The following YWHAE variants were observed in gnomAD, a reference collection of about 807,000 sequenced individuals.
YWHAE encodes tyrosine 3-monooxygenase/tryptophan 5-monooxygenase activation protein epsilon, also known as 14-3-3 protein epsilon.
In YWHAE, 4 loss-of-function variants were observed where a neutral mutation model predicts 30.1. That is an observed-to-expected ratio of 0.13 (90% CI 0.07 to 0.30). YWHAE has a LOEUF of 0.30. YWHAE is among the 10% of genes least tolerant of loss of function. YWHAE has a pLI of 1.00. For synonymous variants in YWHAE, 118 were observed against 111.8 expected (o/e 1.06, Z -0.35); for missense variants, 121 against 315.9 (o/e 0.38, Z 4.68).
chr17:1,365,473 A>C (rs2150853907), intron 1 of YWHAE, among the ~76,000 whole-genome samples: 1 of 152,300 alleles, frequency 6.6e-6, no homozygotes, highest in Admixed American at 6.5e-5. Flanking sequence ...ATACAAAAGG[A>C]AGGGGAATTT....
intron 5 of YWHAE, among the ~76,000 whole-genome samples, chr17:1,348,591 T>C (rs868820264): frequency 2.0e-4 from 30 of 152,206 alleles, no homozygotes; most frequent in African/African-American, 6.8e-4. Flanking sequence ...GTCACAAAAG[T>C]AGTATTTTAT....
intron 1 of YWHAE, among the ~76,000 whole-genome samples, chr17:1,395,347 G>C (rs899209768): frequency 6.6e-6 from 1 of 152,038 alleles, no homozygotes; most frequent in African/African-American, 2.4e-5. Context: ...GGCCAACATG[G>C]TGAAACCTCG....
chr17:1,357,946 A>C (rs1033971830), intron 4 of YWHAE, among the ~76,000 whole-genome samples: 1 of 152,088 alleles, frequency 6.6e-6, no homozygotes, highest in Non-Finnish European at 1.5e-5. Context: ...AAAAAAAAGA[A>C]AAAGACAATA....
In YWHAE at chr17:1,368,718, C is replaced by T. The variant is rs192549145; in HGVS notation, c.65-3660G>A. ...ATTTAGAAGCAGTGGAATAGGTAATCGTACCTCCATACTAGTTTAATTCTC... is the reference window on the plus strand; with the variant it reads ...ATTTAGAAGCAGTGGAATAGGTAATTGTACCTCCATACTAGTTTAATTCTC... On this transcript the variant is annotated intron_variant, in intron 1 of 5. Coordinates refer to ENST00000264335, the MANE Select transcript of YWHAE (RefSeq NM_006761.5). Among the ~76,000 whole-genome samples the T allele has an allele frequency of 1.7e-3, 258 of 152,252 alleles. 1 individual carries two copies. Among genetic ancestry groups the T allele is most frequent in the African/African-American group, 5.9e-3 (244 of 41,560 alleles).
At chr17:1,366,531 T>A (rs1746541862) in intron 1 of YWHAE, among the ~76,000 whole-genome samples, 1 of 151,944 alleles carries the variant, frequency 6.6e-6, no homozygotes, top group Admixed American at 6.6e-5. Context: ...AGACTCCATC[T>A]CAAAAAAAAC....
At chr17:1,395,093 G>GA (rs559792867) in intron 1 of YWHAE, among the ~76,000 whole-genome samples, 1,997 of 145,068 alleles carry the variant, frequency 0.014, 26 homozygotes, top group African/African-American at 0.034. Flanking sequence ...AGTCATCCAT[G>GA]AAAAAAAAAA....
At chr17:1,352,067 G>C (rs537981537) in intron 5 of YWHAE, 2 of 151,844 alleles carry the variant, frequency 1.3e-5, no homozygotes, top group Admixed American at 6.6e-5. Context: ...ACAGGCACAA[G>C]CCACTGCAAC....
chr17:1,357,077 G>T (rs2072759847), intron 4 of YWHAE, among the ~76,000 whole-genome samples: 1 of 150,996 alleles, frequency 6.6e-6, no homozygotes, highest in African/African-American at 2.4e-5. Context: ...AGACCATCCT[G>T]GCTAACACAG....
chr17:1,392,781 C>G (rs139155573), intron 1 of YWHAE, among the ~76,000 whole-genome samples: 5,636 of 151,450 alleles, frequency 0.037, 123 homozygotes, highest in East Asian at 0.052. Flanking sequence ...GCCCAGGAGG[C>G]GGAGGCTGCA....
At chr17:1,398,927 T>C (rs1195013797) in intron 1 of YWHAE, 1 of 152,166 alleles carries the variant, frequency 6.6e-6, no homozygotes, top group East Asian at 1.9e-4. Flanking sequence ...CAACAGGATC[T>C]TCAACCTTCA....
chr17:1,395,286 G>C (rs919352147), intron 1 of YWHAE, among the ~76,000 whole-genome samples: 2 of 152,184 alleles, frequency 1.3e-5, no homozygotes, highest in Non-Finnish European at 2.9e-5. Context: ...CCAGCAGTTT[G>C]GGAGGCTGAG....
In YWHAE at chr17:1,361,994, T is replaced by C. The variant is rs369702424; in HGVS notation, c.279A>G (p.Leu93=). 244 of 1,582,596 alleles carry C rather than the reference T, an allele frequency of 1.5e-4. No homozygotes were observed. Among genetic ancestry groups the C allele is most frequent in the Non-Finnish European group, 2.0e-4 (240 of 1,170,792 alleles). Reference sequence around the variant, plus strand: ...CCAGAATGTCACAACAGATTAACTTTAGCTCAGTCTCAACCTAAAAAAAAA... The same window carrying C: ...CCAGAATGTCACAACAGATTAACTTCAGCTCAGTCTCAACCTAAAAAAAAA... ...REYRQMVETE[L]KLICCDILDV... is the part of the protein sequence containing the mutation. The change falls in exon 3 of 6, where the codon CTA becomes CTG. Residue 93 remains leucine (L), a synonymous_variant. Transcript: ENST00000264335.
chr17:1,375,140 G>C (rs1383513173), intron 1 of YWHAE, among the ~76,000 whole-genome samples: 1 of 152,050 alleles, frequency 6.6e-6, no homozygotes, highest in Non-Finnish European at 1.5e-5. Context: ...AACATTCTAC[G>C]ACCAGTGCTT....
At chr17:1,381,807 T>C (rs553871444) in intron 1 of YWHAE, among the ~76,000 whole-genome samples, 2 of 146,312 alleles carry the variant, frequency 1.4e-5, no homozygotes, top group East Asian at 2.0e-4. Flanking sequence ...GTCCCAGGCA[T>C]AGGACTGAGG....
At chr17:1,374,578 A>C (rs1327493543) in intron 1 of YWHAE, among the ~76,000 whole-genome samples, 2 of 152,160 alleles carry the variant, frequency 1.3e-5, no homozygotes, top group Non-Finnish European at 2.9e-5. Flanking sequence ...TAATCTGGCC[A>C]CGTCCTCAGG....
intron 4 of YWHAE, among the ~76,000 whole-genome samples, chr17:1,356,940 A>C (rs534335154): frequency 6.6e-6 from 1 of 151,790 alleles, no homozygotes; most frequent in East Asian, 1.9e-4. Flanking sequence ...TTGCTTAAGC[A>C]GTTGTCCTCA....
intron 1 of YWHAE, among the ~76,000 whole-genome samples, chr17:1,381,860 C>T (rs1447594806): frequency 6.8e-6 from 1 of 147,340 alleles, no homozygotes; most frequent in East Asian, 2.0e-4. Flanking sequence ...CTGCAGTGAG[C>T]CCAGACTGGC....
At chr17:1,366,005 C>G (rs1024631378) in intron 1 of YWHAE, among the ~76,000 whole-genome samples, 1 of 151,828 alleles carries the variant, frequency 6.6e-6, no homozygotes, top group Non-Finnish European at 1.5e-5. Context: ...ATCACCAGGT[C>G]AAGAGATAAA....
intron 4 of YWHAE, among the ~76,000 whole-genome samples, chr17:1,359,135 CAAAAAAAAGAAAAAAGAA>C (rs2072811626): frequency 1.4e-5 from 2 of 146,548 alleles, no homozygotes. Context: ...GGCTCTCCCT[CAAAAAAAAGAAAAAAGAA>C]AAAAAAAAGG....
Sources: allele counts gnomAD v4.1 joint callset (sites outside exome capture counted in the v4.1 genomes callset), GRCh38; gene constraint gnomAD v4.1.1; transcripts MANE v1.5; gene names NCBI Gene and HGNC (gene_info 2026-07-23, HGNC 2026-07-21).